CDK14: variants seen among roughly 807,000 people sequenced by gnomAD.
CDK14 encodes the protein cyclin dependent kinase 14, also known as cyclin-dependent kinase 14.
In CDK14, 34 loss-of-function variants were observed where a neutral mutation model predicts 60.7. That is an observed-to-expected ratio of 0.56 (90% confidence interval 0.43 to 0.75). The LOEUF (loss-of-function observed/expected upper bound fraction) is 0.75. Ranked by LOEUF, CDK14 falls within the 30% of genes least tolerant of loss-of-function variation. The probability of loss-of-function intolerance (pLI) is 0.00; values close to 1 mark genes in which losing one functional copy is unlikely to be tolerated. For synonymous variants in CDK14, 197 were observed against 203.7 expected, an observed-to-expected ratio of 0.97 and a Z score of 0.28; for missense variants, 482 against 564.1, an observed-to-expected ratio of 0.85 and a Z score of 1.47.
chr7:90,912,012 C>T (rs768314760), intron 7 of CDK14, among the ~76,000 whole-genome samples: 1 of 152,086 alleles, frequency 6.6e-6, no homozygotes, highest in South Asian at 2.1e-4. Flanking sequence ...CCCTGTTCAT[C>T]GTTTCATTAC....
intron 2 of CDK14, among the ~76,000 whole-genome samples, chr7:90,668,795 G>A (rs115374212): frequency 0.016 from 2,302 of 145,204 alleles, 86 homozygotes; most frequent in African/African-American, 0.053. Context: ...TGCAGCCTTG[G>A]TCTTCTGGGC....
intron 5 of CDK14, among the ~76,000 whole-genome samples, chr7:90,817,762 G>A (rs577773760): frequency 2.0e-5 from 3 of 152,182 alleles, no homozygotes; most frequent in Admixed American, 2.0e-4. Flanking sequence ...TGATTAAATT[G>A]TAAGATTGTA....
At chr7:90,879,011 A>C (rs1352416197) in intron 6 of CDK14, among the ~76,000 whole-genome samples, 2 of 152,202 alleles carry the variant, frequency 1.3e-5, no homozygotes, top group African/African-American at 4.8e-5. Flanking sequence ...AGTCTTCGTA[A>C]AAAGAATATG....
chr7:90,962,955 A>G (rs993726406), intron 9 of CDK14, among the ~76,000 whole-genome samples: 21 of 152,138 alleles, frequency 1.4e-4, no homozygotes, highest in South Asian at 2.1e-4. Flanking sequence ...CTGCATTTCT[A>G]TTGGGGTACA....
In CDK14 at chr7:91,090,868, GCT is replaced by G. The variant is rs1158936528; in HGVS notation, c.1154+11391_1154+11392del. Among the ~76,000 whole-genome samples, 8 of 151,960 alleles carry G rather than the reference GCT, an allele frequency of 5.3e-5. No individual in the cohort carries two copies. In the South Asian group the frequency reaches 1.5e-3, roughly 28 times the overall value. On this transcript the variant is annotated intron_variant, in intron 12 of 14. Transcript: ENST00000380050. ...AGGCGCTGGCCATTTCACAGTCTAA[GCT>G]CTGTCACTCGTCACCTGTTTGTATC...
At chr7:91,004,085 C>T (rs1051493437) in intron 10 of CDK14, among the ~76,000 whole-genome samples, 2 of 151,938 alleles carry the variant, frequency 1.3e-5, no homozygotes, top group African/African-American at 2.4e-5. Flanking sequence ...ATGATCTATG[C>T]GTTCATACTA....
At chr7:90,917,923 C>T (rs1235706158) in intron 8 of CDK14, among the ~76,000 whole-genome samples, 199 bp downstream of exon 8, 1 of 151,634 alleles carries the variant, frequency 6.6e-6, no homozygotes, top group Non-Finnish European at 1.5e-5. Flanking sequence ...AAAATTCAGA[C>T]TGCTTGTTAG....
intron 9 of CDK14, chr7:90,979,472 G>T (rs547264193): frequency 6.6e-6 from 1 of 152,162 alleles, no homozygotes; most frequent in African/African-American, 2.4e-5. Context: ...CCTACACTCT[G>T]AGGTAAGCAT....
At chr7:90,773,571 A>G (rs1189983322) in intron 4 of CDK14, among the ~76,000 whole-genome samples, 2 of 152,164 alleles carry the variant, frequency 1.3e-5, no homozygotes, top group Admixed American at 1.3e-4. Context: ...CAGTGGCAAA[A>G]TTATAGCTCA....
rs571134006 is a variant in CDK14, at chr7:91,050,100, T to C, written c.1105+4140T>C. On this transcript the variant is annotated intron_variant, in intron 11 of 14. Coordinates refer to ENST00000380050, the MANE Select transcript of CDK14 (RefSeq NM_001287135.2). Reference sequence around the variant, plus strand: ...TACCAATGCCCTGAATGGGGAGGAGTGGAGGGCTGATAATGAAGTCATAGA... The same window carrying C: ...TACCAATGCCCTGAATGGGGAGGAGCGGAGGGCTGATAATGAAGTCATAGA... 5.3e-5 allele frequency among the ~76,000 whole-genome samples: 8 copies of C among 150,888 alleles called. No homozygotes were observed. The East Asian group carries it at 9.7e-4, about 18-fold the overall frequency.
At chr7:90,983,597 G>A (rs796726213) in intron 9 of CDK14, among the ~76,000 whole-genome samples, 6 of 151,550 alleles carry the variant, frequency 4.0e-5, no homozygotes, top group Middle Eastern at 3.4e-3. Flanking sequence ...GGAGAATGGC[G>A]TGAACCCAGG....
rs1805119720 is a variant in CDK14, at chr7:90,777,968, T to C, written c.465-12605T>C. On this transcript the variant is annotated intron_variant, in intron 4 of 14. Coordinates refer to ENST00000380050, the MANE Select transcript of CDK14 (RefSeq NM_001287135.2). ...TTAGGCTCTTTCCATGTGTTCTAGA[T>C]ATAGAACATCATTCTCTGATCAGGA... Among the ~76,000 whole-genome samples the C allele has an allele frequency of 2.6e-5, 4 of 152,354 alleles. No individual in the cohort carries two copies. In the South Asian group the frequency reaches 8.3e-4, roughly 32 times the overall value.
intron 2 of CDK14, chr7:90,710,024 C>G (rs1802002160): frequency 2.2e-6 from 2 of 902,332 alleles, no homozygotes; most frequent in African/African-American, 3.6e-5. Flanking sequence ...AAGTCTGAAT[C>G]CTGACTCACT....
chr7:91,009,920 T>C (rs1017784176), intron 10 of CDK14, among the ~76,000 whole-genome samples: 9 of 152,136 alleles, frequency 5.9e-5, no homozygotes, highest in African/African-American at 2.2e-4. Context: ...GGTTTTATGT[T>C]TAGGTCTAGG....
At chr7:90,959,699 G>GAC (rs1794541357) in intron 9 of CDK14, among the ~76,000 whole-genome samples, 9 of 152,088 alleles carry the variant, frequency 5.9e-5, no homozygotes, top group Admixed American at 5.3e-4. Context: ...AATGAATGAA[G>GAC]ACACATATGC....
intron 1 of CDK14, among the ~76,000 whole-genome samples, chr7:90,602,941 G>A (rs556142881): frequency 6.6e-6 from 1 of 152,222 alleles, no homozygotes; most frequent in South Asian, 2.1e-4. Flanking sequence ...ACCTTTTCAC[G>A]ATTGTTAGAG....
intron 14 of CDK14, among the ~76,000 whole-genome samples, chr7:91,179,666 G>C (rs1400264742): frequency 1.3e-5 from 2 of 152,076 alleles, no homozygotes; most frequent in African/African-American, 4.8e-5. Context: ...AGCCGGGCGT[G>C]GTGGCGGGCG....
At chr7:90,644,417 A>C (rs1358394424) in intron 2 of CDK14, among the ~76,000 whole-genome samples, 1 of 152,236 alleles carries the variant, frequency 6.6e-6, no homozygotes, top group African/African-American at 2.4e-5. Context: ...CTAATCATTA[A>C]GTAACTTCCT....
At chr7:90,691,326 G>T (rs746576244) in intron 2 of CDK14, among the ~76,000 whole-genome samples, 2 of 152,016 alleles carry the variant, frequency 1.3e-5, no homozygotes, top group African/African-American at 4.8e-5. Flanking sequence ...AAAGAGAAGG[G>T]GGGTATAGGA....
Sources: allele counts gnomAD v4.1 joint callset (sites outside exome capture counted in the v4.1 genomes callset), GRCh38; gene constraint gnomAD v4.1.1; transcripts MANE v1.5; gene names NCBI Gene and HGNC (gene_info 2026-07-23, HGNC 2026-07-21).